Variants in SMAGP observed in about 807,000 individuals in gnomAD.
SMAGP encodes small cell adhesion glycoprotein, also known as small cell transmembrane and glycosylated protein.
Under a neutral mutation model 10.1 loss-of-function variants are expected in SMAGP, and 7 were observed. The observed-to-expected ratio is 0.70, with a 90% CI of 0.40 to 1.31. The LOEUF is 1.31. SMAGP is among the 50% of genes most tolerant of loss of function. SMAGP has a pLI of 0.01. For missense variants in SMAGP, 113 were observed against 116.5 expected (o/e 0.97, Z 0.14); for synonymous variants, 49 against 47.2 (o/e 1.04, Z -0.16).
intron 2 of SMAGP, 138 bp downstream of exon 2, chr12:51,269,107 C>A: frequency 1.1e-6 from 1 of 878,560 alleles, no homozygotes; most frequent in African/African-American, 1.7e-5. Context: ...TTCCTGCTTC[C>A]TCCCAGGCCC....
At chr12:51,269,583 T>G in intron 1 of SMAGP, 1 of 340,744 alleles carries the variant, frequency 2.9e-6, no homozygotes, top group Non-Finnish European at 5.6e-6. Flanking sequence ...CCAAATTTAC[T>G]TAGATCTCTC....
intron 2 of SMAGP, among the ~76,000 whole-genome samples, chr12:51,259,127 C>T (rs941869344): frequency 1.3e-5 from 2 of 152,120 alleles, no homozygotes; most frequent in Non-Finnish European, 2.9e-5. Flanking sequence ...GAGTAAGACC[C>T]TGTCTCAAAA....
chr12:51,260,115 C>T (rs1944918167), intron 2 of SMAGP, among the ~76,000 whole-genome samples: 1 of 151,186 alleles, frequency 6.6e-6, no homozygotes, highest in African/African-American at 2.4e-5. Context: ...TAGGCACCAG[C>T]AATATAAATA....
intron 2 of SMAGP, 60 bp from the exon 3 acceptor site, chr12:51,246,891 T>C (rs957939870): frequency 6.7e-6 from 9 of 1,341,536 alleles, no homozygotes; most frequent in Non-Finnish European, 9.0e-6. Flanking sequence ...TGAAAGCATA[T>C]GTTTGGCCTT....
At position 51,265,837 on chromosome 12, in the gene SMAGP, C is replaced by T. The variant is rs141560677; in HGVS notation, c.34+3408G>A. ...CAGGCACTGGCCTGTAATCCCAGCA[C>T]TTTGGGAGGCCGAGGTGGGCGGATC... On this transcript the variant is annotated intron_variant, in intron 2 of 3. Transcript: ENST00000603798. 8.8e-3 allele frequency among the ~76,000 whole-genome samples: 1,338 copies of T among 152,294 alleles called. 23 individuals are homozygous for T. Among genetic ancestry groups the T allele is most frequent in the African/African-American group, 0.03 (1,255 of 41,568 alleles).
chr12:51,250,781 GC>G (rs1462327460), intron 2 of SMAGP, among the ~76,000 whole-genome samples: 1 of 152,190 alleles, frequency 6.6e-6, no homozygotes, highest in African/African-American at 2.4e-5. Context: ...CTTTGAGCAT[GC>G]CTCTCCTCTG....
intron 2 of SMAGP, among the ~76,000 whole-genome samples, chr12:51,261,358 G>C (rs1188644806): frequency 6.6e-6 from 1 of 152,068 alleles, no homozygotes; most frequent in Non-Finnish European, 1.5e-5. Flanking sequence ...GCCTCCCAAA[G>C]TGCTGGGATT....
At chr12:51,262,355 C>T (rs912647840) in intron 2 of SMAGP, among the ~76,000 whole-genome samples, 3 of 152,042 alleles carry the variant, frequency 2.0e-5, no homozygotes, top group Middle Eastern at 3.2e-3. Context: ...TGGCACGCAC[C>T]TGTGATCCCA....
chr12:51,248,432 ACACTCTCTCT>A (rs1322650118), intron 2 of SMAGP, among the ~76,000 whole-genome samples: 226 of 48,712 alleles, frequency 4.6e-3, no homozygotes, highest in South Asian at 0.024. Context: ...ACACACACAC[ACACTCTCTCT>A]CTCTCTCTCT....
intron 3 of SMAGP, 104 bp downstream of exon 3, chr12:51,246,647 C>G: frequency 2.3e-6 from 1 of 435,678 alleles, no homozygotes; most frequent in South Asian, 2.8e-5. Flanking sequence ...TGTAATATAA[C>G]TTACAAGCCA....
intron 2 of SMAGP, among the ~76,000 whole-genome samples, chr12:51,254,193 T>C (rs1944866950): frequency 6.6e-6 from 1 of 152,202 alleles, no homozygotes; most frequent in Non-Finnish European, 1.5e-5. Flanking sequence ...TGTATAATTT[T>C]ACCACAATTA....
intron 2 of SMAGP, among the ~76,000 whole-genome samples, chr12:51,267,487 C>T (rs759709956): frequency 8.1e-6 from 1 of 123,992 alleles, no homozygotes; most frequent in Non-Finnish European, 1.8e-5. Context: ...ACTCCGTGTC[C>T]CCCTAACTCT....
chr12:51,250,196 T>A (rs1433264328), intron 2 of SMAGP, among the ~76,000 whole-genome samples: 3 of 119,692 alleles, frequency 2.5e-5, no homozygotes, highest in Non-Finnish European at 5.1e-5. Context: ...ACAGTAAGAC[T>A]CTGTCTACAA....
intron 3 of SMAGP, chr12:51,246,403 G>A: frequency 2.1e-6 from 1 of 471,768 alleles, no homozygotes; most frequent in South Asian, 4.0e-5. Context: ...CGGGAAGGAG[G>A]GAACAGGAAA....
intron 2 of SMAGP, among the ~76,000 whole-genome samples, chr12:51,256,062 T>C (rs1944882232): frequency 6.6e-6 from 1 of 152,106 alleles, no homozygotes; most frequent in African/African-American, 2.4e-5. Flanking sequence ...TGAGCTACCG[T>C]GCCCAACCCC....
intron 2 of SMAGP, among the ~76,000 whole-genome samples, chr12:51,257,834 T>C (rs1434238437): frequency 3.3e-5 from 5 of 151,134 alleles, no homozygotes; most frequent in Admixed American, 3.3e-4. Context: ...TGTGAGCCAC[T>C]GTGCCCAGCC....
intron 2 of SMAGP, among the ~76,000 whole-genome samples, chr12:51,250,835 G>T (rs1944831201): frequency 6.6e-6 from 1 of 152,070 alleles, no homozygotes; most frequent in Non-Finnish European, 1.5e-5. Context: ...ACAGATGATG[G>T]CAAAAATGAT....
chr12:51,248,399 T>TAC (rs71443213), intron 2 of SMAGP, among the ~76,000 whole-genome samples: 1,614 of 131,952 alleles, frequency 0.012, 11 homozygotes, highest in Non-Finnish European at 0.014. Flanking sequence ...TGTGGTGTTT[T>TAC]ACACACACAC....
At chr12:51,268,507 A>G (rs918234864) in intron 2 of SMAGP, among the ~76,000 whole-genome samples, 3 of 152,102 alleles carry the variant, frequency 2.0e-5, no homozygotes, top group African/African-American at 7.2e-5. Context: ...GCTATAAATT[A>G]TTAGACAGAT....
Sources: allele counts gnomAD v4.1 joint callset (sites outside exome capture counted in the v4.1 genomes callset), GRCh38; gene constraint gnomAD v4.1.1; transcripts MANE v1.5; gene names NCBI Gene and HGNC (gene_info 2026-07-23, HGNC 2026-07-21).